The following GABRB2 variants were observed in gnomAD, a reference collection of about 807,000 sequenced individuals.
GABRB2 encodes the protein gamma-aminobutyric acid type A receptor subunit beta2.
A neutral mutation model predicts 54.7 loss-of-function variants in GABRB2; 16 were observed. The observed-to-expected ratio is 0.29, with a 90% CI of 0.20 to 0.44. The LOEUF is 0.44. Among genes scored for constraint, GABRB2 ranks in the 20% least tolerant of loss-of-function variants. The pLI, the probability that GABRB2 is intolerant of heterozygous loss-of-function variation, is 1.00. For missense variants in GABRB2, 355 were observed against 644.0 expected (o/e 0.55, Z 4.86); for synonymous variants, 244 against 233.8 (o/e 1.04, Z -0.40).
chr5:161,388,116 A>G (rs1755703046), intron 5 of GABRB2, among the ~76,000 whole-genome samples: 1 of 152,134 alleles, frequency 6.6e-6, no homozygotes, highest in Non-Finnish European at 1.5e-5. Context: ...TATAATTCCA[A>G]CAATCCATGG....
At chr5:161,500,975 C>T (rs962805563) in intron 3 of GABRB2, among the ~76,000 whole-genome samples, 3 of 151,934 alleles carry the variant, frequency 2.0e-5, no homozygotes, top group Admixed American at 6.6e-5. Context: ...CCAATGCTAT[C>T]CCTCCCCCCT....
At chr5:161,302,124 T>C (rs1448931081) in intron 9 of GABRB2, among the ~76,000 whole-genome samples, 1 of 152,212 alleles carries the variant, frequency 6.6e-6, no homozygotes, top group Non-Finnish European at 1.5e-5. Flanking sequence ...GTTCTGTTGG[T>C]TGAAAAATGG....
At chr5:161,519,983 T>C (rs575020669) in intron 3 of GABRB2, among the ~76,000 whole-genome samples, 3 of 152,302 alleles carry the variant, frequency 2.0e-5, no homozygotes, top group Non-Finnish European at 2.9e-5. Flanking sequence ...TTTTTTCCAA[T>C]GTTGGTTTTT....
intron 4 of GABRB2, among the ~76,000 whole-genome samples, chr5:161,446,972 CAA>C (rs150053360): frequency 6.9e-6 from 1 of 144,412 alleles, no homozygotes; most frequent in Non-Finnish European, 1.5e-5. Flanking sequence ...TTTCTCTTGC[CAA>C]AAAAAAAAGT....
chr5:161,533,623 A>C (rs933572049), intron 3 of GABRB2, among the ~76,000 whole-genome samples: 1 of 152,100 alleles, frequency 6.6e-6, no homozygotes, highest in Non-Finnish European at 1.5e-5. Context: ...TTTTCAAATA[A>C]TCTATAGCAG....
At chr5:161,436,542 A>AG (rs1757315486) in intron 4 of GABRB2, among the ~76,000 whole-genome samples, 1 of 151,866 alleles carries the variant, frequency 6.6e-6, no homozygotes, top group African/African-American at 2.4e-5. Flanking sequence ...AAAAAAAAAA[A>AG]AAAGAGAGAG....
intron 4 of GABRB2, among the ~76,000 whole-genome samples, chr5:161,448,600 T>C (rs893140634): frequency 6.6e-6 from 1 of 152,164 alleles, no homozygotes; most frequent in African/African-American, 2.4e-5. Flanking sequence ...GTTAATCTAA[T>C]CTTTCAATGG....
chr5:161,322,139 A>G (rs935208346), intron 9 of GABRB2, among the ~76,000 whole-genome samples: 5 of 152,216 alleles, frequency 3.3e-5, no homozygotes, highest in Non-Finnish European at 7.3e-5. Context: ...TACTCAAAAG[A>G]ATATAGTAAT....
intron 6 of GABRB2, 36 bp downstream of exon 6, chr5:161,336,596 G>C (rs1052353055): frequency 6.2e-7 from 1 of 1,604,492 alleles, no homozygotes; most frequent in African/African-American, 1.3e-5. Context: ...ATACGGTGAA[G>C]ATTATTTTCC....
At chr5:161,343,210 A>G (rs1754223569) in intron 5 of GABRB2, among the ~76,000 whole-genome samples, 1 of 151,740 alleles carries the variant, frequency 6.6e-6, no homozygotes, top group Admixed American at 6.6e-5. Context: ...ATGAACTGCT[A>G]GACACACATT....
At chr5:161,442,644 C>T (rs1300945318) in intron 4 of GABRB2, among the ~76,000 whole-genome samples, 2 of 152,176 alleles carry the variant, frequency 1.3e-5, no homozygotes, top group African/African-American at 4.8e-5. Context: ...CCACAGGTGG[C>T]AGCCATTCAG....
At chr5:161,314,669 C>G (rs1305558658) in intron 9 of GABRB2, among the ~76,000 whole-genome samples, 1 of 152,004 alleles carries the variant, frequency 6.6e-6, no homozygotes, top group Non-Finnish European at 1.5e-5. Context: ...CAGTTTCTCT[C>G]TCTCTCTTTC....
intron 9 of GABRB2, among the ~76,000 whole-genome samples, chr5:161,305,174 G>A (rs1042967411): frequency 6.6e-6 from 1 of 151,102 alleles, no homozygotes; most frequent in Non-Finnish European, 1.5e-5. Flanking sequence ...CCGCCACCGC[G>A]CCCGGCTAAT....
intron 9 of GABRB2, among the ~76,000 whole-genome samples, chr5:161,311,301 A>G (rs1384208536): frequency 6.6e-6 from 1 of 152,230 alleles, no homozygotes; most frequent in East Asian, 1.9e-4. Context: ...CTTGAATTCA[A>G]ATTGGATTCT....
At chr5:161,509,044 T>C (rs1367200388) in intron 3 of GABRB2, among the ~76,000 whole-genome samples, 1 of 151,956 alleles carries the variant, frequency 6.6e-6, no homozygotes, top group African/African-American at 2.4e-5. Context: ...TAGATAGCTA[T>C]ATAAAGAAAT....
chr5:161,413,753 A>G (rs931081653), intron 4 of GABRB2, among the ~76,000 whole-genome samples: 1 of 152,224 alleles, frequency 6.6e-6, no homozygotes, highest in African/African-American at 2.4e-5. Context: ...CTCATCTGAT[A>G]GAATGAACAC....
intron 3 of GABRB2, among the ~76,000 whole-genome samples, chr5:161,496,630 C>T (rs1439305897): frequency 6.6e-6 from 1 of 151,644 alleles, no homozygotes; most frequent in Non-Finnish European, 1.5e-5. Flanking sequence ...TACAGAAGAG[C>T]AATATGAGCA....
intron 3 of GABRB2, among the ~76,000 whole-genome samples, chr5:161,525,127 G>A (rs951945545): frequency 6.6e-6 from 1 of 151,244 alleles, no homozygotes. Flanking sequence ...TGTTGGGAGT[G>A]CAAAAGCAAG....
chr5:161,363,999 T>A (rs940779004), intron 5 of GABRB2, among the ~76,000 whole-genome samples: 4 of 152,194 alleles, frequency 2.6e-5, no homozygotes, highest in African/African-American at 9.6e-5. Context: ...CTGTTTCACA[T>A]TTTATCCAGG....
Sources: allele counts gnomAD v4.1 joint callset (sites outside exome capture counted in the v4.1 genomes callset), GRCh38; gene constraint gnomAD v4.1.1; transcripts MANE v1.5; gene names NCBI Gene and HGNC (gene_info 2026-07-23, HGNC 2026-07-21).